The following SH3TC2 variants were observed in gnomAD, a reference collection of about 807,000 sequenced individuals.
SH3TC2 encodes the protein SH3 domain and tetratricopeptide repeats 2, also known as SH3 domain and tetratricopeptide repeat-containing protein 2.
In SH3TC2, 87 loss-of-function variants were observed where a neutral mutation model predicts 124.5. The ratio of observed to expected loss-of-function variants is 0.70; its 90% CI spans 0.59 to 0.84. SH3TC2 has a LOEUF of 0.84. Ranked by LOEUF, SH3TC2 falls within the 40% of genes least tolerant of loss-of-function variation. The pLI, the probability that SH3TC2 is intolerant of heterozygous loss-of-function variation, is 0.00. For synonymous variants in SH3TC2, 634 were observed against 628.5 expected (o/e 1.01, Z -0.13); for missense variants, 1,536 against 1,566.4 (o/e 0.98, Z 0.33).
In SH3TC2 at chr5:148,996,914, T is replaced by G. The variant is rs549274573; in HGVS notation, c.*7797A>C. 6.6e-6 allele frequency among the ~76,000 whole-genome samples: 1 copy of G among 152,308 alleles called. No individual in the cohort carries two copies. Among genetic ancestry groups the G allele is most frequent in the Non-Finnish European group, 1.5e-5 (1 of 68,020 alleles). ...TTTTCATAGATAACAGTAAAATGTG[T>G]GACCCTAAATAAAAATACAGTAAAA... On this transcript the variant is annotated 3_prime_UTR_variant, in exon 17 of 17. Coordinates refer to ENST00000515425, the MANE Select transcript of SH3TC2 (RefSeq NM_024577.4).
rs907458596 is a variant in SH3TC2 at position 149,008,348 on chromosome 5, C to T, written c.3478+503G>A. 14 of 196,448 alleles carry T rather than the reference C, an allele frequency of 7.1e-5. No homozygotes were observed. In the South Asian group the frequency reaches 1.3e-3, roughly 18 times the overall value. The allele number at this position is 196,448 out of a possible 1,614,324, so 12.2% of individuals were successfully genotyped here. A position where few individuals can be genotyped will look rare whatever the true frequency, so the allele number is the denominator to read the frequency against. ...TAAACACAAGATATTCAGCTATGTT[C>T]TGAGTTAGGGTAATGGGAACCTGAC... On this transcript the variant is annotated intron_variant, in intron 15 of 16. Coordinates refer to ENST00000515425, the MANE Select transcript of SH3TC2 (RefSeq NM_024577.4).
rs1371537895 is a variant in SH3TC2 at position 148,985,393 on chromosome 5, C to T, written c.*19318G>A. Among the ~76,000 whole-genome samples the T allele has an allele frequency of 1.3e-5, 2 of 152,140 alleles. No individual in the cohort carries two copies. Among genetic ancestry groups the T allele is most frequent in the East Asian group, 3.8e-4 (2 of 5,204 alleles). ...GTGTCTTTTTTCATCAATTCTTCCT[C>T]CAACTCACAGCACAGATCTGTTTGC... On this transcript the variant is annotated 3_prime_UTR_variant, in exon 17 of 17. Coordinates refer to ENST00000515425, the MANE Select transcript of SH3TC2 (RefSeq NM_024577.4).
rs757053201 is a variant in SH3TC2, at chr5:149,027,198, G to A, written c.2534C>T (p.Ala845Val). 1.2e-6 allele frequency: 2 copies of A among 1,614,206 alleles called. No individual in the cohort carries two copies. Among genetic ancestry groups the A allele is most frequent in the South Asian group, 1.1e-5 (1 of 91,088 alleles). Residue 845 changes from alanine to valine, a missense_variant, in exon 11 of 17, where the codon GCA becomes GTA. Transcript: ENST00000515425. ...GTTCACCCGGCCTTCACCTTGGAGT[G>A]CAAGTCCCAGGAGGTTATAGATGAC... ...RGVIYNLLGL[A>V]LQGEGRVNRA...
intron 12 of SH3TC2, among the ~76,000 whole-genome samples, chr5:149,023,303 A>T (rs994365726): frequency 6.6e-6 from 1 of 152,222 alleles, no homozygotes; most frequent in Non-Finnish European, 1.5e-5. Flanking sequence ...TTTCACAGTG[A>T]TATTTTTAAA....
Position 148,999,522 on chromosome 5 carries a change from G to A in SH3TC2, c.*5189C>T, listed in dbSNP as rs1753562909. Among the ~76,000 whole-genome samples, 1 of 152,088 alleles carries A rather than the reference G, an allele frequency of 6.6e-6. No individual in the cohort carries two copies. Among genetic ancestry groups the A allele is most frequent in the Non-Finnish European group, 1.5e-5 (1 of 68,036 alleles). On this transcript the variant is annotated 3_prime_UTR_variant, in exon 17 of 17. Coordinates refer to ENST00000515425, the MANE Select transcript of SH3TC2 (RefSeq NM_024577.4). ...CGCTTGTCCACACATCTCAATGGGA[G>A]CAATTAAAAGAGGAAAAGAGACCAA... is the stretch of plus-strand genomic sequence containing the variant.
At position 148,991,774 on chromosome 5, in the gene SH3TC2, G is replaced by A. The variant is rs1753423246; in HGVS notation, c.*12937C>T. 6.6e-6 allele frequency among the ~76,000 whole-genome samples: 1 copy of A among 152,200 alleles called. No homozygotes were observed. Among genetic ancestry groups the A allele is most frequent in the Admixed American group, 6.5e-5 (1 of 15,286 alleles). ...TACTCACTGGTGTCCAACCTGCCCT[G>A]AATCACTCTATACTCACAACAGAAA... is the stretch of plus-strand genomic sequence containing the variant. On this transcript the variant is annotated 3_prime_UTR_variant, in exon 17 of 17. Coordinates refer to ENST00000515425, the MANE Select transcript of SH3TC2 (RefSeq NM_024577.4).
intron 4 of SH3TC2, chr5:149,043,636 G>A (rs1362521835): frequency 6.6e-6 from 1 of 150,510 alleles, no homozygotes; most frequent in Non-Finnish European, 1.5e-5. Context: ...AGATAGGGTT[G>A]AGCTTCTCCT....
At chr5:149,004,972 G>A in intron 16 of SH3TC2, 70 bp from the exon 17 acceptor site, 1 of 1,567,822 alleles carries the variant, frequency 6.4e-7, no homozygotes, top group Non-Finnish European at 8.8e-7. Flanking sequence ...CTAGGAGGCT[G>A]TGCTGGCCAC....
intron 2 of SH3TC2, among the ~76,000 whole-genome samples, chr5:149,048,770 T>C (rs1475249604): frequency 6.6e-6 from 1 of 151,860 alleles, no homozygotes; most frequent in Non-Finnish European, 1.5e-5. Flanking sequence ...TGAAAAAAAA[T>C]TAATGGGGTC....
rs1181429891 is a variant in SH3TC2, at chr5:149,027,125, CA to C, written c.2606del (p.Val869GlyfsTer17). ...YLRALNRAQE[V>X]GDVHNQAVAM... ...CCACTGCCTGGTTATGCACATCTCC[CA>C]CCTCCTGGGCTCTGTTCAAGGCCCG... On this transcript the variant is annotated frameshift_variant, in exon 11 of 17. Coordinates refer to ENST00000515425, the MANE Select transcript of SH3TC2 (RefSeq NM_024577.4). LOFTEE classifies it high-confidence loss of function. 6.2e-7 allele frequency: 1 copy of C among 1,614,036 alleles called. No homozygotes were observed. The highest frequency in any genetic ancestry group is 8.5e-7 in the Non-Finnish European group (1 of 1,180,008).
chr5:148,985,146 G>GA lies in SH3TC2; in HGVS notation c.*19564dup, dbSNP rs5872105. Among the ~76,000 whole-genome samples the GA allele has an allele frequency of 0.74, 109,512 of 148,784 alleles. 40,283 individuals carry two copies. Among genetic ancestry groups the GA allele is most frequent in the East Asian group, 0.82 (4,202 of 5,116 alleles). On this transcript the variant is annotated 3_prime_UTR_variant, in exon 17 of 17. Coordinates refer to ENST00000515425, the MANE Select transcript of SH3TC2 (RefSeq NM_024577.4). ...TGAATAAGAATGAGCTACTTTTCTG[G>GA]AAAAAAAAAAAACTATTCACTCAAA...
Position 148,990,704 on chromosome 5 carries a change from T to C in SH3TC2, c.*14007A>G, listed in dbSNP as rs1031988612. 1.1e-4 allele frequency among the ~76,000 whole-genome samples: 16 copies of C among 152,340 alleles called. No homozygotes were observed. Among genetic ancestry groups the C allele is most frequent in the African/African-American group, 3.8e-4 (16 of 41,580 alleles). On this transcript the variant is annotated 3_prime_UTR_variant, in exon 17 of 17. Transcript: ENST00000515425. Reference sequence around the variant, plus strand: ...AAAATGAAATCATGCATTCAAAGAATTTAATCCAATGCTTTATACACCATA... The same window carrying C: ...AAAATGAAATCATGCATTCAAAGAACTTAATCCAATGCTTTATACACCATA...
chr5:149,011,972 T>C (rs6869416), intron 13 of SH3TC2, among the ~76,000 whole-genome samples: 4,726 of 152,260 alleles, frequency 0.031, 247 homozygotes, highest in African/African-American at 0.11. Flanking sequence ...ATTTTTGTTT[T>C]ACTAATCCTT....
chr5:149,022,927 T>C (rs1754001212), intron 12 of SH3TC2, among the ~76,000 whole-genome samples: 1 of 152,164 alleles, frequency 6.6e-6, no homozygotes, highest in Non-Finnish European at 1.5e-5. Flanking sequence ...AGGCTTTCTT[T>C]CAGGGGCCAT....
chr5:149,011,669 T>C (rs1753785066), intron 13 of SH3TC2, among the ~76,000 whole-genome samples: 1 of 152,170 alleles, frequency 6.6e-6, no homozygotes, highest in Non-Finnish European at 1.5e-5. Flanking sequence ...CTCCTGTACA[T>C]AGGAAGCATG....
chr5:149,049,314 G>A (rs1402568091), intron 2 of SH3TC2, among the ~76,000 whole-genome samples: 3 of 152,194 alleles, frequency 2.0e-5, no homozygotes, highest in African/African-American at 7.2e-5. Context: ...GAGGCACAGT[G>A]CAAAGATGAA....
Position 149,027,276 on chromosome 5 carries a change from A to C in SH3TC2, c.2456T>G (p.Leu819Arg). Residue 819 changes from leucine (L) to arginine (R), a missense_variant, in exon 11 of 17, where the codon CTT becomes CGT. Physicochemically the swap from Leu to Arg is moderately radical, Grantham distance 102. Coordinates refer to ENST00000515425, the MANE Select transcript of SH3TC2 (RefSeq NM_024577.4). Reference protein sequence around the residue: ...ASQAKKALDVLEPLLCSLKET... With the variant: ...ASQAKKALDVREPLLCSLKET... ...CTTCAGGGAGCATAGCAGTGGCTCA[A>C]GCACATCCAAAGCCTTCTTGGCCTG... 6.2e-7 allele frequency: 1 copy of C among 1,614,134 alleles called. No individual in the cohort carries two copies. Among genetic ancestry groups the C allele is most frequent in the South Asian group, 1.1e-5 (1 of 91,090 alleles).
rs1003247437 is a variant in SH3TC2, at chr5:148,987,973, C to T, written c.*16738G>A. 6.6e-6 allele frequency among the ~76,000 whole-genome samples: 1 copy of T among 152,026 alleles called. No homozygotes were observed. The highest frequency in any genetic ancestry group is 2.4e-5 in the African/African-American group (1 of 41,382). On this transcript the variant is annotated 3_prime_UTR_variant, in exon 17 of 17. Coordinates refer to ENST00000515425, the MANE Select transcript of SH3TC2 (RefSeq NM_024577.4). ...CCACTTTGGCCACTTCTCCAGATAC[C>T]CACAAGGAAGTGCCGAGAATGCTGT... is the stretch of plus-strand genomic sequence containing the variant.
At chr5:149,059,970 C>A (rs111595786) in intron 1 of SH3TC2, among the ~76,000 whole-genome samples, 2 of 152,280 alleles carry the variant, frequency 1.3e-5, no homozygotes, top group African/African-American at 4.8e-5. Flanking sequence ...CCTCTATTAT[C>A]AGTAGTTTTA....
Sources: gnomAD v4.1 joint callset for allele counts (sites outside exome capture counted in the v4.1 genomes callset) on GRCh38, gnomAD v4.1.1 for gene constraint, MANE v1.5 for transcripts, NCBI Gene and HGNC (gene_info 2026-07-23, HGNC 2026-07-21) for gene names.